The following SVEP1 variants were observed in gnomAD, a reference collection of about 807,000 sequenced individuals.
SVEP1 encodes sushi, von Willebrand factor type A, EGF and pentraxin domain-containing protein 1.
Under a neutral mutation model 367.3 loss-of-function variants are expected in SVEP1, and 164 were observed. The observed-to-expected ratio is 0.45, with a 90% confidence interval of 0.39 to 0.51. The LOEUF (loss-of-function observed/expected upper bound fraction) is 0.51. Ranked by LOEUF, SVEP1 falls within the 20% of genes least tolerant of loss-of-function variation. The pLI is 0.00. For missense variants in SVEP1, 4,117 were observed against 4,425.3 expected, an observed-to-expected ratio of 0.93 and a Z score of 1.98; for synonymous variants, 1,666 against 1,611.6, an observed-to-expected ratio of 1.03 and a Z score of -0.81.
chr9:110,549,913 C>T lies in SVEP1; in HGVS notation c.723G>A (p.Glu241=), dbSNP rs1438890900. The change falls in exon 2 of 48, where the codon GAG becomes GAA. Residue 241 remains glutamate (E), a synonymous_variant. Coordinates refer to ENST00000374469, the MANE Select transcript of SVEP1 (RefSeq NM_153366.4). The part of the protein sequence containing the change: ...LNDMASTPKE[E]HCYLLHSFEE... ...CAAAACTGTGTAGCAGGTAACAGTG[C>T]TCCTCCTTTGGGGTGGAAGCCATGT... The T allele has an allele frequency of 1.2e-6, 2 of 1,613,986 alleles. No homozygotes were observed. The highest frequency in any genetic ancestry group is 1.1e-5 in the South Asian group (1 of 91,078).
Position 110,476,272 on chromosome 9 carries a change from A to C in SVEP1, c.2531T>G (p.Leu844Arg). 1 of 1,613,734 alleles carries C rather than the reference A, an allele frequency of 6.2e-7. No individual in the cohort carries two copies. Among genetic ancestry groups the C allele is most frequent in the Non-Finnish European group, 8.5e-7 (1 of 1,179,712 alleles). The stretch of plus-strand genomic sequence containing the variant: ...ATATTTTTTGGTCAGGTTCTCCTCC[A>C]GTCTGCAGTCAATGTCCTCTGCATC... ...CSDAEDIDCR[L>R]EENLTKKYCL... The change falls in exon 14 of 48, where the codon CTG becomes CGG. Residue 844 changes from leucine (L) to arginine (R), a missense_variant. By Grantham distance (102) the Leu-to-Arg change is moderately radical. Transcript: ENST00000374469.
At chr9:110,470,604 T>G (rs555807507) in intron 16 of SVEP1, among the ~76,000 whole-genome samples, 10 of 151,960 alleles carry the variant, frequency 6.6e-5, no homozygotes, top group Admixed American at 1.3e-4. Context: ...GGCTAATTTT[T>G]GGGGTATTTT....
In SVEP1 at chr9:110,422,684, G is replaced by A. The variant is rs932077900; in HGVS notation, c.5975+4907C>T. ...ACACATGCACACGTATGTTTATAGC[G>A]GCACTATTCACAATAGCAAAGACTT... On this transcript the variant is annotated intron_variant, in intron 36 of 47. Coordinates refer to ENST00000374469, the MANE Select transcript of SVEP1 (RefSeq NM_153366.4). Among the ~76,000 whole-genome samples, 143 of 128,632 alleles carry A rather than the reference G, an allele frequency of 1.1e-3. 12 individuals are homozygous for A. The highest frequency in any genetic ancestry group is 4.1e-3 in the African/African-American group (130 of 32,068). The allele number at this position is 128,632 out of a possible 152,430, so 84.4% of individuals were successfully genotyped here.
At chr9:110,416,012 T>A (rs1206039106) in intron 36 of SVEP1, among the ~76,000 whole-genome samples, 1 of 151,860 alleles carries the variant, frequency 6.6e-6, no homozygotes, top group Non-Finnish European at 1.5e-5. Flanking sequence ...AATGTAAAAT[T>A]AGGTTCTTGG....
intron 43 of SVEP1, among the ~76,000 whole-genome samples, chr9:110,383,896 C>T (rs1827481563): frequency 6.6e-6 from 1 of 151,932 alleles, no homozygotes; most frequent in Non-Finnish European, 1.5e-5. Flanking sequence ...TCTGTCACAG[C>T]TGCTGTGCTG....
intron 17 of SVEP1, among the ~76,000 whole-genome samples, chr9:110,467,221 T>G (rs1014600546): frequency 1.3e-5 from 2 of 152,300 alleles, no homozygotes; most frequent in East Asian, 3.9e-4. Flanking sequence ...CTGAGAATAA[T>G]AGTGAAAATA....
At chr9:110,439,272 AC>A (rs1278962923) in intron 27 of SVEP1, among the ~76,000 whole-genome samples, 1 of 152,222 alleles carries the variant, frequency 6.6e-6, no homozygotes, top group Non-Finnish European at 1.5e-5. Flanking sequence ...ATGTGAGGAT[AC>A]AGTGAGAAGG....
Position 110,481,262 on chromosome 9 carries a change from G to A in SVEP1, c.2345C>T (p.Thr782Ile), listed in dbSNP as rs773128065. Residue 782 changes from threonine (T) to isoleucine (I), a missense_variant, in exon 12 of 48, where the codon ACT becomes ATT. Physicochemically the swap from Thr to Ile is moderately conservative, Grantham distance 89 (BLOSUM62 -1). Transcript: ENST00000374469. ...EDGVWKPTYT[T>I]EWPDCAKKRF... ...CTTACTGGCACAGTCTGGCCATTCA[G>A]TGGTATATGTTGGTTTCCAGACGCC... is the stretch of plus-strand genomic sequence containing the variant. The A allele has an allele frequency of 2.1e-5, 34 of 1,592,380 alleles. 1 individual carries two copies. In the South Asian group the frequency reaches 3.9e-4, roughly 18 times the overall value.
chr9:110,489,964 C>T (rs1157522149), intron 8 of SVEP1, among the ~76,000 whole-genome samples, 185 bp from the exon 9 acceptor site: 8 of 152,170 alleles, frequency 5.3e-5, no homozygotes, highest in East Asian at 1.9e-4. Context: ...AGAATTGGCA[C>T]ACATATGAAA....
At chr9:110,552,024 CTT>C (rs34366561) in intron 1 of SVEP1, among the ~76,000 whole-genome samples, 55 of 77,018 alleles carry the variant, frequency 7.1e-4, no homozygotes, top group African/African-American at 1.9e-3. Context: ...GGTACCCAAC[CTT>C]TTTTTTTTTT....
intron 1 of SVEP1, among the ~76,000 whole-genome samples, chr9:110,576,519 T>A (rs1432990235): frequency 6.6e-6 from 1 of 152,006 alleles, no homozygotes; most frequent in African/African-American, 2.4e-5. Flanking sequence ...CAGGAAATAG[T>A]TTTCCTGATT....
At chr9:110,546,398 TC>T in intron 2 of SVEP1, 107 bp from the exon 3 acceptor site, 2 of 1,222,648 alleles carry the variant, frequency 1.6e-6, no homozygotes. Context: ...TCTTTCCATA[TC>T]CCTCTAATTC....
chr9:110,540,029 A>G (rs1479761368), intron 3 of SVEP1, among the ~76,000 whole-genome samples: 1 of 152,078 alleles, frequency 6.6e-6, no homozygotes, highest in Non-Finnish European at 1.5e-5. Flanking sequence ...AATGCTCCAG[A>G]GAGTTATTGT....
chr9:110,453,340 A>G (rs1052876982), intron 22 of SVEP1, among the ~76,000 whole-genome samples: 1 of 152,132 alleles, frequency 6.6e-6, no homozygotes, highest in Non-Finnish European at 1.5e-5. Flanking sequence ...TATATCATCA[A>G]TATTATAATA....
intron 36 of SVEP1, among the ~76,000 whole-genome samples, chr9:110,414,705 C>T (rs1023942139): frequency 4.0e-5 from 6 of 151,816 alleles, no homozygotes; most frequent in Non-Finnish European, 7.4e-5. Flanking sequence ...TGAGCATGTG[C>T]CTGGAGAGCT....
chr9:110,478,881 T>C (rs1829141549), intron 13 of SVEP1, among the ~76,000 whole-genome samples: 1 of 152,018 alleles, frequency 6.6e-6, no homozygotes, highest in Non-Finnish European at 1.5e-5. Flanking sequence ...CTTGAAGATG[T>C]TCAATACAGT....
intron 3 of SVEP1, 130 bp from the exon 4 acceptor site, chr9:110,514,236 G>T: frequency 1.6e-6 from 2 of 1,241,878 alleles, no homozygotes; most frequent in Non-Finnish European, 2.3e-6. Context: ...TGTAGGCTGG[G>T]TGTGGTGGCT....
chr9:110,374,765 C>T (rs1392433800), intron 46 of SVEP1, among the ~76,000 whole-genome samples: 21 of 152,258 alleles, frequency 1.4e-4, no homozygotes, highest in East Asian at 7.7e-4. Flanking sequence ...GAAAGCAGTA[C>T]GGCGATTCCT....
At chr9:110,433,831 C>G (rs962888442) in intron 30 of SVEP1, among the ~76,000 whole-genome samples, 7 of 151,872 alleles carry the variant, frequency 4.6e-5, no homozygotes, top group Admixed American at 4.6e-4. Flanking sequence ...CTAGCCCTTA[C>G]CTTTATTATT....
Sources: gnomAD v4.1 joint callset for allele counts (sites outside exome capture counted in the v4.1 genomes callset) on GRCh38, gnomAD v4.1.1 for gene constraint, MANE v1.5 for transcripts, NCBI Gene and HGNC (gene_info 2026-07-23, HGNC 2026-07-21) for gene names.